Variants in ARMC9 observed in about 807,000 individuals in gnomAD.
ARMC9 encodes the protein lisH domain-containing protein ARMC9.
Under a neutral mutation model 107.0 loss-of-function variants are expected in ARMC9, and 94 were observed. That is an observed-to-expected ratio of 0.88 (90% CI 0.74 to 1.04). The LOEUF (loss-of-function observed/expected upper bound fraction) is 1.04, where lower values mean the gene tolerates loss of function less well. ARMC9 is among the 50% of genes least tolerant of loss of function. The probability of loss-of-function intolerance (pLI) is 0.00; values close to 1 mark genes in which losing one functional copy is unlikely to be tolerated. For missense variants in ARMC9, 942 were observed against 1,030.1 expected (o/e 0.91, Z 1.17); for synonymous variants, 380 against 396.9 (o/e 0.96, Z 0.51).
In ARMC9 at chr2:231,370,021, C is replaced by T. The variant is rs1023721606; in HGVS notation, c.2330C>T (p.Pro777Leu). The T allele has an allele frequency of 6.5e-7, 1 of 1,535,682 alleles. No individual in the cohort carries two copies. The highest frequency in any genetic ancestry group is 2.0e-5 in the Admixed American group (1 of 50,968). Residue 777 changes from proline to leucine, a missense_variant, in exon 24 of 25, where the codon CCA becomes CTA. Coordinates refer to ENST00000611582, the MANE Select transcript of ARMC9 (RefSeq NM_001352754.2). ...ACTCCAGAGATGCTGGACTGGAACC[C>T]ACCCAAGGCAAAGGCGTCAGTTCTG... is the stretch of plus-strand genomic sequence containing the variant. Reference protein sequence around the residue: ...PCTPEMLDWNPPKAKASVLAP... With the variant: ...PCTPEMLDWNLPKAKASVLAP...
intron 3 of ARMC9, among the ~76,000 whole-genome samples, chr2:231,213,169 T>TTC: frequency 6.6e-6 from 1 of 151,842 alleles, no homozygotes; most frequent in East Asian, 1.9e-4. Flanking sequence ...TTTTTCTTTT[T>TTC]TTTTTTTTTT....
intron 5 of ARMC9, among the ~76,000 whole-genome samples, chr2:231,221,241 A>G (rs1318011405): frequency 6.6e-6 from 1 of 151,936 alleles, no homozygotes; most frequent in Non-Finnish European, 1.5e-5. Context: ...CTCTGTCTCC[A>G]TTGTCCCATG....
At chr2:231,345,246 G>T (rs889623436) in intron 21 of ARMC9, 156 bp downstream of exon 21, 8 of 1,375,886 alleles carry the variant, frequency 5.8e-6, no homozygotes, top group Non-Finnish European at 7.6e-6. Flanking sequence ...GAAAGAGGTT[G>T]AGTCCTTCTC....
In ARMC9 at chr2:231,360,958, G is replaced by T; in HGVS notation, c.2261+75G>T. ...GTGGGCGCCCCACGCCGGATGCAGA[G>T]CACCCAGGAGACCTGGAAGGCTCCT... On this transcript the variant is annotated intron_variant, in intron 23 of 24. Transcript: ENST00000611582. The surrounding 1 kb of genome is among the most constrained non-coding windows in gnomAD (Gnocchi z 4.7). 6.9e-7 allele frequency: 1 copy of T among 1,448,872 alleles called. No individual in the cohort carries two copies. The highest frequency in any genetic ancestry group is 9.0e-7 in the Non-Finnish European group (1 of 1,107,418). The allele number at this position is 1,448,872 out of a possible 1,614,324, so 89.8% of individuals were successfully genotyped here. A position where few individuals can be genotyped will look rare whatever the true frequency, so the allele number is the denominator to read the frequency against.
rs954568794 is a variant in ARMC9 at position 231,358,912 on chromosome 2, A to G, written c.2132-1842A>G. ...TCCCCACCAACCAGGACTATCTTCA[A>G]TATCAAAATCACATGCCTTGGGACT... On this transcript the variant is annotated intron_variant, in intron 22 of 24. Coordinates refer to ENST00000611582, the MANE Select transcript of ARMC9 (RefSeq NM_001352754.2). This position sits in a 1 kb window ranked among gnomAD's most constrained non-coding sequence, Gnocchi z 4.5. Among the ~76,000 whole-genome samples, 1 of 152,182 alleles carries G rather than the reference A, an allele frequency of 6.6e-6. No homozygotes were observed. Among genetic ancestry groups the G allele is most frequent in the Non-Finnish European group, 1.5e-5 (1 of 68,042 alleles).
At position 231,362,344 on chromosome 2, in the gene ARMC9, C is replaced by A. The variant is rs548135099; in HGVS notation, c.2261+1461C>A. Among the ~76,000 whole-genome samples, 30 of 152,296 alleles carry A rather than the reference C, an allele frequency of 2.0e-4. No homozygotes were observed. In the East Asian group the frequency reaches 5.8e-3, roughly 29 times the overall value. On this transcript the variant is annotated intron_variant, in intron 23 of 24. Transcript: ENST00000611582. The surrounding 1 kb of genome is among the most constrained non-coding windows in gnomAD (Gnocchi z 4.7). Reference sequence around the variant, plus strand: ...GATCCTCCCCTGCGGTTCAGCCAGGCCAAACCTACGCTTCCGGTATAGGCC... The same window carrying A: ...GATCCTCCCCTGCGGTTCAGCCAGGACAAACCTACGCTTCCGGTATAGGCC...
chr2:231,278,315 TA>T, intron 15 of ARMC9, 66 bp from the exon 16 acceptor site: 1 of 1,517,064 alleles, frequency 6.6e-7, no homozygotes, highest in Non-Finnish European at 9.2e-7. Context: ...TCTCCAAGTC[TA>T]CCTGACCTAA....
chr2:231,299,776 T>G (rs16827914), intron 19 of ARMC9, among the ~76,000 whole-genome samples: 26,999 of 151,842 alleles, frequency 0.18, 5,777 homozygotes, highest in African/African-American at 0.51. Context: ...GCATTGAAAA[T>G]ATGGGTGTTT....
chr2:231,215,037 G>A (rs1481557448), intron 4 of ARMC9, 36 bp downstream of exon 4: 1 of 1,601,400 alleles, frequency 6.2e-7, no homozygotes, highest in Admixed American at 1.7e-5. Flanking sequence ...GGTCTGAGTG[G>A]TGTGTTAAGG....
At chr2:231,233,525 C>T (rs2035433477) in intron 7 of ARMC9, among the ~76,000 whole-genome samples, 1 of 152,150 alleles carries the variant, frequency 6.6e-6, no homozygotes, top group South Asian at 2.1e-4. Context: ...ACCTGTAATC[C>T]CAGCACTTTG....
At chr2:231,365,425 C>T (rs2045775269) in intron 23 of ARMC9, among the ~76,000 whole-genome samples, 2 of 152,146 alleles carry the variant, frequency 1.3e-5, no homozygotes, top group African/African-American at 4.8e-5. Context: ...TGCAATGCTG[C>T]TGAGTCATAA....
intron 7 of ARMC9, 74 bp downstream of exon 7, chr2:231,226,872 A>T: frequency 6.7e-7 from 1 of 1,500,032 alleles, no homozygotes; most frequent in Non-Finnish European, 9.3e-7. Context: ...GATCGGTGCA[A>T]AGATGGAGAG....
At position 231,210,188 on chromosome 2, in the gene ARMC9, T is replaced by C. The variant is rs551260976; in HGVS notation, c.177+1936T>C. 3.9e-5 allele frequency among the ~76,000 whole-genome samples: 6 copies of C among 152,332 alleles called. No homozygotes were observed. The East Asian group carries it at 1.2e-3, about 29-fold the overall frequency. On this transcript the variant is annotated intron_variant, in intron 3 of 24. Transcript: ENST00000611582. ...TGGCCCGTGGAGCTCAAGGCAGGGC[T>C]GAACCCTCTGCCTGCTCCGCTTCAG...
intron 20 of ARMC9, among the ~76,000 whole-genome samples, chr2:231,342,928 TG>T (rs2044604998): frequency 6.6e-6 from 1 of 152,042 alleles, no homozygotes; most frequent in East Asian, 1.9e-4. Context: ...TTTTTGTTTT[TG>T]TTTTTGTTTG....
chr2:231,270,594 T>C (rs2039238504), intron 12 of ARMC9: 2 of 474,650 alleles, frequency 4.2e-6, no homozygotes. Flanking sequence ...CCTTGGGAAT[T>C]ATCTTTTTTA....
chr2:231,208,569 G>A (rs12465477), intron 3 of ARMC9, among the ~76,000 whole-genome samples: 43,898 of 152,082 alleles, frequency 0.29, 6,687 homozygotes, highest in African/African-American at 0.38. Flanking sequence ...CTAGGCACTG[G>A]GGATCCAGCA....
intron 12 of ARMC9, 84 bp from the exon 13 acceptor site, chr2:231,270,898 G>T (rs1240908967): frequency 8.8e-7 from 1 of 1,131,706 alleles, no homozygotes; most frequent in East Asian, 2.5e-5. Flanking sequence ...GGCAGAGGAA[G>T]AGAACTACCA....
chr2:231,235,420 A>G (rs2035616559), intron 8 of ARMC9, 39 bp downstream of exon 8: 1 of 1,611,118 alleles, frequency 6.2e-7, no homozygotes, highest in African/African-American at 1.3e-5. Context: ...TCTGTTTGGC[A>G]ATGAAGAAGG....
At chr2:231,369,629 T>C (rs1298880993) in intron 23 of ARMC9, among the ~76,000 whole-genome samples, 2 of 143,738 alleles carry the variant, frequency 1.4e-5, no homozygotes, top group Admixed American at 1.4e-4. Context: ...AGAATTTTGC[T>C]CTTGTCGCCC....
Sources: allele counts gnomAD v4.1 joint callset (sites outside exome capture counted in the v4.1 genomes callset), GRCh38; gene constraint gnomAD v4.1.1; non-coding constraint Gnocchi (gnomAD v3.1); transcripts MANE v1.5; gene names NCBI Gene and HGNC (gene_info 2026-07-23, HGNC 2026-07-21).